PRDM5: variants seen among roughly 807,000 people sequenced by gnomAD.
PRDM5 encodes the protein PR domain zinc finger protein 5.
Under a neutral mutation model 81.2 loss-of-function variants are expected in PRDM5, and 56 were observed. That is an observed-to-expected ratio of 0.69 (90% CI 0.56 to 0.86). PRDM5 has a LOEUF of 0.86. PRDM5 is among the 40% of genes least tolerant of loss of function. The pLI is 0.00. For synonymous variants in PRDM5, 267 were observed against 256.4 expected, an observed-to-expected ratio of 1.04 and a Z score of -0.39; for missense variants, 697 against 770.1, an observed-to-expected ratio of 0.91 and a Z score of 1.12.
intron 14 of PRDM5, among the ~76,000 whole-genome samples, chr4:120,743,557 T>A (rs1202296574): frequency 1.5e-5 from 2 of 129,490 alleles, no homozygotes; most frequent in Non-Finnish European, 3.2e-5. Flanking sequence ...GAGACACACA[T>A]AGGCTCAAAA....
chr4:120,821,046 T>G (rs1005853426), intron 4 of PRDM5, 125 bp downstream of exon 4: 20 of 1,178,924 alleles, frequency 1.7e-5, no homozygotes, highest in Middle Eastern at 3.8e-4. Flanking sequence ...CGAGAATAAT[T>G]TTGACAAAAA....
chr4:120,798,216 A>C (rs1310507934), intron 10 of PRDM5, 51 bp downstream of exon 10: 1 of 1,370,496 alleles, frequency 7.3e-7, no homozygotes, highest in African/African-American at 1.5e-5. Flanking sequence ...AAAAATTGAA[A>C]ATCACAGCAG....
intron 14 of PRDM5, among the ~76,000 whole-genome samples, chr4:120,719,352 G>T (rs868444775): frequency 6.6e-6 from 1 of 152,144 alleles, no homozygotes; most frequent in Admixed American, 6.5e-5. Context: ...TATTAAAAAC[G>T]AATTACTAGA....
intron 15 of PRDM5, among the ~76,000 whole-genome samples, chr4:120,706,183 T>C (rs1578421139): frequency 7.0e-6 from 1 of 143,522 alleles, no homozygotes; most frequent in African/African-American, 2.5e-5. Flanking sequence ...CCTTAAACTC[T>C]AGAATCTTGA....
intron 10 of PRDM5, among the ~76,000 whole-genome samples, chr4:120,789,568 G>A (rs1475906207): frequency 4.6e-5 from 7 of 152,092 alleles, no homozygotes; most frequent in African/African-American, 1.7e-4. Context: ...TTGCTAGAAC[G>A]ATTATTTTTA....
chr4:120,815,682 C>T (rs1754395076), intron 7 of PRDM5, among the ~76,000 whole-genome samples: 1 of 152,036 alleles, frequency 6.6e-6, no homozygotes, highest in Admixed American at 6.6e-5. Context: ...AAGTCAAGGG[C>T]AAAAATAAAC....
At chr4:120,815,650 C>T (rs1344447499) in intron 7 of PRDM5, among the ~76,000 whole-genome samples, 2 of 152,164 alleles carry the variant, frequency 1.3e-5, no homozygotes, top group African/African-American at 4.8e-5. Flanking sequence ...CATCCAGAGA[C>T]ACATAGCCAC....
intron 13 of PRDM5, among the ~76,000 whole-genome samples, chr4:120,774,145 T>C (rs996330499): frequency 5.9e-5 from 9 of 152,218 alleles, no homozygotes; most frequent in Admixed American, 5.2e-4. Flanking sequence ...TATGGAGTGA[T>C]GAGGCCACAA....
intron 5 of PRDM5, among the ~76,000 whole-genome samples, chr4:120,817,846 A>T (rs343191): frequency 0.78 from 118,246 of 152,164 alleles, 46,169 homozygotes; most frequent in East Asian, 0.87. Flanking sequence ...TATTGTTATA[A>T]CTGGGACCTA....
chr4:120,831,673 G>A (rs559240195), intron 3 of PRDM5, among the ~76,000 whole-genome samples: 4 of 142,412 alleles, frequency 2.8e-5, no homozygotes, highest in Admixed American at 7.3e-5. Flanking sequence ...CTTTGCAAGA[G>A]TCTACTTATA....
chr4:120,769,894 G>A (rs1746986440), intron 13 of PRDM5, among the ~76,000 whole-genome samples: 1 of 152,184 alleles, frequency 6.6e-6, no homozygotes, highest in South Asian at 2.1e-4. Flanking sequence ...AGGCTCTGGT[G>A]GAGATGTGCA....
chr4:120,809,606 C>T (rs1753546139), intron 8 of PRDM5, among the ~76,000 whole-genome samples: 1 of 151,784 alleles, frequency 6.6e-6, no homozygotes, highest in South Asian at 2.1e-4. Flanking sequence ...CATAATATAC[C>T]TTATCATTAT....
chr4:120,727,545 C>A (rs968991531), intron 14 of PRDM5, among the ~76,000 whole-genome samples: 2 of 152,152 alleles, frequency 1.3e-5, no homozygotes, highest in African/African-American at 4.8e-5. Flanking sequence ...GATCACCAGG[C>A]ACTCAGTGGG....
chr4:120,727,693 T>C (rs1034194924), intron 14 of PRDM5, among the ~76,000 whole-genome samples: 21 of 152,114 alleles, frequency 1.4e-4, no homozygotes, highest in Admixed American at 3.3e-4. Flanking sequence ...CCCAACACTT[T>C]GGGCGGCTGA....
At chr4:120,904,296 C>T (rs1055152043) in intron 2 of PRDM5, among the ~76,000 whole-genome samples, 2 of 149,682 alleles carry the variant, frequency 1.3e-5, no homozygotes, top group African/African-American at 2.5e-5. Flanking sequence ...GCTGACAATC[C>T]GAAATGAAGA....
chr4:120,806,169 G>C (rs1001381665), intron 8 of PRDM5, among the ~76,000 whole-genome samples: 4 of 152,076 alleles, frequency 2.6e-5, no homozygotes, highest in Non-Finnish European at 5.9e-5. Flanking sequence ...TCAAGGAGAA[G>C]CACAAACCAC....
chr4:120,887,324 A>T (rs1763550367), intron 2 of PRDM5, among the ~76,000 whole-genome samples: 1 of 151,862 alleles, frequency 6.6e-6, no homozygotes, highest in South Asian at 2.1e-4. Context: ...GAAGCCAACC[A>T]CTTCTCACCA....
chr4:120,858,507 C>G (rs564647758), intron 2 of PRDM5, among the ~76,000 whole-genome samples: 67 of 152,144 alleles, frequency 4.4e-4, no homozygotes, highest in Non-Finnish European at 9.0e-4. Context: ...GGTTTTATTC[C>G]CCCACTGATT....
At chr4:120,763,670 T>C (rs1300356039) in intron 13 of PRDM5, among the ~76,000 whole-genome samples, 1 of 152,208 alleles carries the variant, frequency 6.6e-6, no homozygotes, top group African/African-American at 2.4e-5. Flanking sequence ...AGTCAGAATT[T>C]GGTGAGAAAA....
Sources: allele counts gnomAD v4.1 joint callset (sites outside exome capture counted in the v4.1 genomes callset), GRCh38; gene constraint gnomAD v4.1.1; transcripts MANE v1.5; gene names NCBI Gene and HGNC (gene_info 2026-07-23, HGNC 2026-07-21).